The following GRIN2A variants were observed in gnomAD, a reference collection of about 807,000 sequenced individuals.
GRIN2A encodes glutamate ionotropic receptor NMDA type subunit 2A.
In GRIN2A, 22 loss-of-function variants were observed where a neutral mutation model predicts 113.4. The observed-to-expected ratio is 0.19, with a 90% confidence interval of 0.14 to 0.28. GRIN2A has a LOEUF of 0.28. GRIN2A is among the 10% of genes least tolerant of loss of function. GRIN2A has a pLI of 1.00. For missense variants in GRIN2A, 1,502 were observed against 1,887.0 expected (o/e 0.80, Z 3.78); for synonymous variants, 827 against 738.4 (o/e 1.12, Z -1.94).
At chr16:9,904,266 T>C (rs1173523543) in intron 3 of GRIN2A, among the ~76,000 whole-genome samples, 1 of 152,202 alleles carries the variant, frequency 6.6e-6, no homozygotes, top group Admixed American at 6.5e-5. Context: ...AGATTTGGTG[T>C]CTGGTGAAAG....
intron 2 of GRIN2A, among the ~76,000 whole-genome samples, chr16:10,090,839 AT>A (rs2048172080): frequency 6.6e-6 from 1 of 152,220 alleles, no homozygotes; most frequent in East Asian, 1.9e-4. Flanking sequence ...CAACTCAATA[AT>A]AAAACAAACA....
chr16:9,870,342 G>T (rs2043236640), intron 4 of GRIN2A, among the ~76,000 whole-genome samples: 1 of 151,956 alleles, frequency 6.6e-6, no homozygotes, highest in Non-Finnish European at 1.5e-5. Flanking sequence ...GTGTTCACTT[G>T]GCTAAGAAGC....
chr16:10,093,501 T>C (rs2048225313), intron 2 of GRIN2A, among the ~76,000 whole-genome samples: 1 of 152,184 alleles, frequency 6.6e-6, no homozygotes, highest in African/African-American at 2.4e-5. Flanking sequence ...TGCGTAGCAT[T>C]GGCACCTTCA....
At chr16:9,844,931 T>A (rs1050513198) in intron 5 of GRIN2A, among the ~76,000 whole-genome samples, 2 of 152,102 alleles carry the variant, frequency 1.3e-5, no homozygotes, top group Non-Finnish European at 2.9e-5. Context: ...TCTTAGAAGA[T>A]CCCACCACTT....
intron 2 of GRIN2A, among the ~76,000 whole-genome samples, chr16:10,159,847 C>A (rs1012835468): frequency 6.6e-6 from 1 of 152,196 alleles, no homozygotes; most frequent in African/African-American, 2.4e-5. Flanking sequence ...AACTATCGTT[C>A]TCATTATGTG....
chr16:9,879,670 A>G (rs1242912897), intron 4 of GRIN2A, among the ~76,000 whole-genome samples: 1 of 152,192 alleles, frequency 6.6e-6, no homozygotes, highest in Non-Finnish European at 1.5e-5. Flanking sequence ...ATTGGGTTCC[A>G]AATCCTGGCT....
At chr16:10,076,752 C>A (rs13331514) in intron 2 of GRIN2A, among the ~76,000 whole-genome samples, 21,231 of 152,114 alleles carry the variant, frequency 0.14, 1,994 homozygotes, top group African/African-American at 0.27. Flanking sequence ...TGTGAACATT[C>A]CATCTGCAGC....
At chr16:9,962,360 T>C (rs1427833379) in intron 2 of GRIN2A, among the ~76,000 whole-genome samples, 1 of 151,932 alleles carries the variant, frequency 6.6e-6, no homozygotes, top group Non-Finnish European at 1.5e-5. Flanking sequence ...CGCAACCTAC[T>C]CATCTGACAA....
At chr16:9,884,042 ATCTC>A (rs1418816395) in intron 4 of GRIN2A, among the ~76,000 whole-genome samples, 1 of 152,136 alleles carries the variant, frequency 6.6e-6, no homozygotes, top group Non-Finnish European at 1.5e-5. Context: ...ATCTTTATTT[ATCTC>A]TCTCTTTCTC....
At chr16:10,138,186 T>C (rs2049242343) in intron 2 of GRIN2A, among the ~76,000 whole-genome samples, 1 of 152,216 alleles carries the variant, frequency 6.6e-6, no homozygotes, top group African/African-American at 2.4e-5. Context: ...CTAAATCATA[T>C]AAGTGTGTGA....
At chr16:9,993,061 C>CAA (rs34615682) in intron 2 of GRIN2A, among the ~76,000 whole-genome samples, 210 of 149,706 alleles carry the variant, frequency 1.4e-3, no homozygotes, top group African/African-American at 3.9e-3. Flanking sequence ...ACCAAAAATA[C>CAA]AAAAAAAAAC....
chr16:10,028,864 C>T (rs1868287), intron 2 of GRIN2A, among the ~76,000 whole-genome samples: 34,614 of 152,072 alleles, frequency 0.23, 4,767 homozygotes, highest in East Asian at 0.52. Flanking sequence ...AAACTTTATT[C>T]ACAAAAACAA....
At chr16:10,143,812 A>G (rs901963609) in intron 2 of GRIN2A, among the ~76,000 whole-genome samples, 2 of 152,070 alleles carry the variant, frequency 1.3e-5, no homozygotes, top group African/African-American at 4.8e-5. Flanking sequence ...TAAAAAACAC[A>G]AAAATGAGCC....
chr16:10,067,380 G>A (rs2047669937), intron 2 of GRIN2A, among the ~76,000 whole-genome samples: 1 of 150,724 alleles, frequency 6.6e-6, no homozygotes, highest in Non-Finnish European at 1.5e-5. Flanking sequence ...TAAACATACT[G>A]GTTTATCTCA....
chr16:9,768,294 C>T (rs28638284), intron 12 of GRIN2A, among the ~76,000 whole-genome samples: 271 of 152,242 alleles, frequency 1.8e-3, no homozygotes, highest in African/African-American at 6.2e-3. Context: ...CCTCGTGATC[C>T]GCCCGCCTGG....
At chr16:9,771,860 T>C (rs1013773165) in intron 11 of GRIN2A, among the ~76,000 whole-genome samples, 2 of 152,198 alleles carry the variant, frequency 1.3e-5, no homozygotes, top group African/African-American at 4.8e-5. Context: ...TGAACTCACA[T>C]GCTCATTTGG....
At chr16:10,046,536 T>A (rs1315315102) in intron 2 of GRIN2A, among the ~76,000 whole-genome samples, 1 of 152,148 alleles carries the variant, frequency 6.6e-6, no homozygotes, top group African/African-American at 2.4e-5. Flanking sequence ...ACTTTGCTTC[T>A]CTCGCTTATT....
In GRIN2A at chr16:9,836,029, AT is replaced by A. The variant is rs2042578706; in HGVS notation, c.1652-1800del. ...TTTAGCTTGAGTAATAAACAATATT[AT>A]GTCCCTGAAATAATAGCAATTTAAT... is the stretch of plus-strand genomic sequence containing the variant. On this transcript the variant is annotated intron_variant, in intron 7 of 12. Transcript: ENST00000330684. 2.0e-5 allele frequency among the ~76,000 whole-genome samples: 3 copies of A among 152,366 alleles called. No individual in the cohort carries two copies. The South Asian group carries it at 6.2e-4, about 32-fold the overall frequency.
intron 2 of GRIN2A, among the ~76,000 whole-genome samples, chr16:9,963,900 T>C (rs2045496492): frequency 1.3e-5 from 2 of 152,184 alleles, no homozygotes; most frequent in South Asian, 4.1e-4. Context: ...TAGTGCCATG[T>C]CCTGGTGGAG....
Sources: allele counts gnomAD v4.1 joint callset (sites outside exome capture counted in the v4.1 genomes callset), GRCh38; gene constraint gnomAD v4.1.1; transcripts MANE v1.5; gene names NCBI Gene and HGNC (gene_info 2026-07-23, HGNC 2026-07-21).